Variants in TARBP1 observed in about 807,000 individuals in gnomAD.
TARBP1 encodes the protein tRNA (guanosine(18)-2'-O)-methyltransferase TARBP1.
Under a neutral mutation model 178.6 loss-of-function variants are expected in TARBP1, and 144 were observed. The ratio of observed to expected loss-of-function variants is 0.81; its 90% CI spans 0.70 to 0.93. The LOEUF is 0.93. Among genes scored for constraint, TARBP1 ranks in the 40% least tolerant of loss-of-function variants. TARBP1 has a pLI of 0.00. For synonymous variants in TARBP1, 787 were observed against 781.0 expected (o/e 1.01, Z -0.13); for missense variants, 2,067 against 2,011.7 (o/e 1.03, Z -0.53).
At chr1:234,402,400 A>G (rs962281561) in intron 24 of TARBP1, among the ~76,000 whole-genome samples, 1 of 152,198 alleles carries the variant, frequency 6.6e-6, no homozygotes, top group African/African-American at 2.4e-5. Flanking sequence ...TTTTGAGAGA[A>G]TTTTCTAAAT....
chr1:234,400,691 T>C (rs1040401114), intron 25 of TARBP1, among the ~76,000 whole-genome samples: 3 of 152,270 alleles, frequency 2.0e-5, no homozygotes, highest in Non-Finnish European at 4.4e-5. Flanking sequence ...AGCATGTTTA[T>C]GGTTCTTAAA....
chr1:234,446,507 A>G (rs186612287), intron 12 of TARBP1, among the ~76,000 whole-genome samples: 1 of 152,032 alleles, frequency 6.6e-6, no homozygotes, highest in Non-Finnish European at 1.5e-5. Context: ...TAAAAAGCAA[A>G]TGAAATTACA....
chr1:234,475,330 C>T (rs1019557142), intron 1 of TARBP1, among the ~76,000 whole-genome samples: 1 of 152,210 alleles, frequency 6.6e-6, no homozygotes, highest in Admixed American at 6.5e-5. Context: ...TCACCCTTGT[C>T]CCTGCCTTGA....
At chr1:234,445,342 C>T (rs1333661555) in intron 12 of TARBP1, among the ~76,000 whole-genome samples, 2 of 152,194 alleles carry the variant, frequency 1.3e-5, no homozygotes, top group Non-Finnish European at 2.9e-5. Context: ...CTAACATTCT[C>T]ATTCAGACTC....
intron 11 of TARBP1, 42 bp downstream of exon 11, chr1:234,448,437 GA>G: frequency 6.5e-7 from 1 of 1,546,334 alleles, no homozygotes; most frequent in South Asian, 1.1e-5. Flanking sequence ...TTCTCATCAG[GA>G]TTTTTCAAAT....
rs114916639 is a variant in TARBP1 at position 234,448,542 on chromosome 1, G to A, written c.1899C>T (p.Ala633=). Residue 633 remains alanine, a synonymous_variant, in exon 11 of 30, where the codon GCC becomes GCT. Coordinates refer to ENST00000040877, the MANE Select transcript of TARBP1 (RefSeq NM_005646.4). ...ENCFMPDWFE[A]KLVSLMVLLA... ...GCAAGACCATCAGAGAAACAAGCTT[G>A]GCTTCAAACCAATCAGGCATAAAGC... The A allele has an allele frequency of 0.027, 43,226 of 1,613,838 alleles. 824 individuals carry two copies. Among genetic ancestry groups the A allele is most frequent in the South Asian group, 0.064 (5,839 of 91,052 alleles).
rs375885843 is a variant in TARBP1 at position 234,391,630 on chromosome 1, T to C, written c.4813A>G (p.Ile1605Val). 6.2e-7 allele frequency: 1 copy of C among 1,613,518 alleles called. No individual in the cohort carries two copies. Among genetic ancestry groups the C allele is most frequent in the African/African-American group, 1.3e-5 (1 of 74,898 alleles). Residue 1605 changes from isoleucine (I) to valine (V), a missense_variant, in exon 30 of 30, where the codon ATC (isoleucine) becomes GTC (valine). Transcript: ENST00000040877. ...LNVHVSGALLIWEYTRQQLLS... is the reference protein window; with the variant it reads ...LNVHVSGALLVWEYTRQQLLS... ...AGCTGCTGCCTGGTGTACTCCCAGA[T>C]CAGCAGGGCTCCACTCACATGGACA...
At chr1:234,467,845 C>T (rs1021336288) in intron 3 of TARBP1, among the ~76,000 whole-genome samples, 195 bp from the exon 4 acceptor site, 21 of 152,178 alleles carry the variant, frequency 1.4e-4, no homozygotes, top group Non-Finnish European at 2.6e-4. Flanking sequence ...AATTCTAGCT[C>T]ACTGCAGCCT....
Position 234,460,310 on chromosome 1 carries a change from T to C in TARBP1, c.1486A>G (p.Asn496Asp). Residue 496 changes from asparagine (N) to aspartate (D), a missense_variant, in exon 7 of 30, where the codon AAT (asparagine) becomes GAT (aspartate). By Grantham distance (23) the Asn-to-Asp change is conservative. Coordinates refer to ENST00000040877, the MANE Select transcript of TARBP1 (RefSeq NM_005646.4). ...CCCAGGGCCTTATGTCTTGGGACAT[T>C]TGCCAAAGCCTTAGATAGAAACAAA... is the stretch of plus-strand genomic sequence containing the variant. ...PILFLSKALA[N>D]VPRHKALGID... 1.9e-6 allele frequency: 3 copies of C among 1,614,232 alleles called. No individual in the cohort carries two copies. Among genetic ancestry groups the C allele is most frequent in the African/African-American group, 1.3e-5 (1 of 75,074 alleles).
intron 5 of TARBP1, 51 bp from the exon 6 acceptor site, chr1:234,463,985 AT>A: frequency 7.9e-7 from 1 of 1,258,562 alleles, no homozygotes; most frequent in Non-Finnish European, 1.1e-6. Context: ...TTTACAAGTG[AT>A]TACACTAAAA....
intron 1 of TARBP1, among the ~76,000 whole-genome samples, chr1:234,476,291 T>C (rs75683710): frequency 1.8e-4 from 28 of 152,174 alleles, no homozygotes; most frequent in African/African-American, 6.5e-4. Context: ...CTTAAAAAAA[T>C]CCTATTTCAG....
intron 24 of TARBP1, among the ~76,000 whole-genome samples, chr1:234,404,503 A>G: frequency 6.6e-6 from 1 of 152,258 alleles, no homozygotes; most frequent in East Asian, 1.9e-4. Context: ...TTCACCAAAT[A>G]ATAGGAAATA....
At chr1:234,453,330 T>TGTG (rs67653709) in intron 9 of TARBP1, among the ~76,000 whole-genome samples, 1 of 53,910 alleles carries the variant, frequency 1.9e-5, no homozygotes, top group Non-Finnish European at 3.1e-5. Context: ...TTTTTGTGTG[T>TGTG]TTTTTTTTTT....
Position 234,478,298 on chromosome 1 carries a change from A to G in TARBP1, c.806T>C (p.Val269Ala). 6.5e-7 allele frequency: 1 copy of G among 1,545,566 alleles called. No homozygotes were observed. The highest frequency in any genetic ancestry group is 2.6e-5 in the East Asian group (1 of 37,934). The change falls in exon 1 of 30, where the codon GTG (valine) becomes GCG (alanine). Residue 269 changes from valine (V) to alanine (A), a missense_variant. Physicochemically the swap from Val to Ala is moderately conservative, Grantham distance 64. Coordinates refer to ENST00000040877, the MANE Select transcript of TARBP1 (RefSeq NM_005646.4). ...GTCCGCCTGGCCCAGCCCCGCCTGCACCGTCCTCCAGAAGCGCCAGCAGCG... is the reference window on the plus strand; with the variant it reads ...GTCCGCCTGGCCCAGCCCCGCCTGCGCCGTCCTCCAGAAGCGCCAGCAGCG... ...ARRCWRFWRT[V>A]QAGLGQADAL...
At chr1:234,406,320 T>C in intron 23 of TARBP1, 1 of 553,746 alleles carries the variant, frequency 1.8e-6, no homozygotes. Flanking sequence ...GCTCTAGTTT[T>C]CATTAATGCT....
chr1:234,437,931 G>T (rs550977018), intron 12 of TARBP1, among the ~76,000 whole-genome samples: 13 of 152,320 alleles, frequency 8.5e-5, no homozygotes, highest in Admixed American at 6.5e-4. Flanking sequence ...TCACCTCCAA[G>T]CTGCACATGC....
At chr1:234,458,845 G>A (rs1667556373) in intron 8 of TARBP1, among the ~76,000 whole-genome samples, 1 of 152,186 alleles carries the variant, frequency 6.6e-6, no homozygotes, top group East Asian at 1.9e-4. Flanking sequence ...CTGTCTACCA[G>A]GGAAGCTCAA....
chr1:234,403,828 C>G (rs558545561), intron 24 of TARBP1, among the ~76,000 whole-genome samples: 1 of 152,090 alleles, frequency 6.6e-6, no homozygotes, highest in African/African-American at 2.4e-5. Flanking sequence ...AGATTACAGG[C>G]GCCTGCCACC....
At chr1:234,451,114 T>C (rs1340938576) in intron 9 of TARBP1, among the ~76,000 whole-genome samples, 2 of 152,202 alleles carry the variant, frequency 1.3e-5, no homozygotes, top group East Asian at 1.9e-4. Flanking sequence ...ATTAAAATAC[T>C]GCATATTAAT....
Sources: allele counts gnomAD v4.1 joint callset (sites outside exome capture counted in the v4.1 genomes callset), GRCh38; gene constraint gnomAD v4.1.1; transcripts MANE v1.5; gene names NCBI Gene and HGNC (gene_info 2026-07-23, HGNC 2026-07-21).